Variants in ASAP1 observed in about 807,000 individuals in gnomAD.
ASAP1 encodes ArfGAP with SH3 domain, ankyrin repeat and PH domain 1.
A neutral mutation model predicts 145.2 loss-of-function variants in ASAP1; 43 were observed. The ratio of observed to expected loss-of-function variants is 0.30; its 90% CI spans 0.23 to 0.38. ASAP1 has a LOEUF of 0.38. Ranked by LOEUF, ASAP1 falls within the 10% of genes least tolerant of loss-of-function variation. The pLI, the probability that ASAP1 is intolerant of heterozygous loss-of-function variation, is 1.00. For synonymous variants in ASAP1, 546 were observed against 515.5 expected, an observed-to-expected ratio of 1.06 and a Z score of -0.80; for missense variants, 1,018 against 1,355.3, an observed-to-expected ratio of 0.75 and a Z score of 3.91.
intron 4 of ASAP1, among the ~76,000 whole-genome samples, chr8:130,224,006 A>G (rs1048892779): frequency 2.0e-5 from 3 of 152,134 alleles, no homozygotes; most frequent in Non-Finnish European, 2.9e-5. Flanking sequence ...GACTCTTTCA[A>G]TGTAAGTGTA....
chr8:130,294,765 C>A (rs1822158983), intron 3 of ASAP1, among the ~76,000 whole-genome samples: 1 of 152,146 alleles, frequency 6.6e-6, no homozygotes, highest in South Asian at 2.1e-4. Flanking sequence ...AAGGCCAATT[C>A]TAGCAGCCAT....
chr8:130,107,509 T>A (rs541336639), intron 24 of ASAP1, among the ~76,000 whole-genome samples: 16 of 132,582 alleles, frequency 1.2e-4, no homozygotes, highest in East Asian at 1.2e-3. Context: ...TTTTTTTTTT[T>A]TAAAAAATGT....
At chr8:130,425,538 A>T (rs1323132907) in intron 1 of ASAP1, among the ~76,000 whole-genome samples, 1 of 152,098 alleles carries the variant, frequency 6.6e-6, no homozygotes, top group African/African-American at 2.4e-5. Flanking sequence ...AGAACAAAAA[A>T]CAGCATGGGT....
At chr8:130,111,794 T>G (rs900215341) in intron 24 of ASAP1, among the ~76,000 whole-genome samples, 3 of 152,180 alleles carry the variant, frequency 2.0e-5, no homozygotes, top group Non-Finnish European at 2.9e-5. Context: ...GGCTGGTCAG[T>G]GTATCTCATT....
intron 24 of ASAP1, among the ~76,000 whole-genome samples, chr8:130,102,228 TGA>T (rs1013408484): frequency 6.6e-6 from 1 of 152,226 alleles, no homozygotes; most frequent in African/African-American, 2.4e-5. Context: ...GATTTAGATG[TGA>T]GTTTGTCACA....
intron 3 of ASAP1, among the ~76,000 whole-genome samples, chr8:130,288,473 G>A (rs1297498780): frequency 7.2e-5 from 11 of 152,160 alleles, no homozygotes; most frequent in Non-Finnish European, 1.5e-5. Context: ...TGTCCTACCT[G>A]CAGCTGTGCA....
intron 3 of ASAP1, among the ~76,000 whole-genome samples, chr8:130,316,708 T>G (rs1270117267): frequency 6.6e-6 from 1 of 152,198 alleles, no homozygotes; most frequent in South Asian, 2.1e-4. Flanking sequence ...GAAGGTGAGA[T>G]CAAAAGGAAG....
At chr8:130,442,510 T>C (rs1830519011) in intron 1 of ASAP1, among the ~76,000 whole-genome samples, 1 of 152,184 alleles carries the variant, frequency 6.6e-6, no homozygotes, top group Admixed American at 6.5e-5. Flanking sequence ...GCCTAAAAAC[T>C]GATAAGCTTT....
chr8:130,233,075 C>T (rs527416749), intron 4 of ASAP1, among the ~76,000 whole-genome samples: 4 of 152,110 alleles, frequency 2.6e-5, no homozygotes, highest in East Asian at 3.8e-4. Context: ...TATACTTGTT[C>T]GTGACTGCAG....
intron 25 of ASAP1, among the ~76,000 whole-genome samples, chr8:130,087,996 G>A (rs1006789219): frequency 6.6e-6 from 1 of 152,192 alleles, no homozygotes; most frequent in Non-Finnish European, 1.5e-5. Context: ...CTCTTTGGGG[G>A]TCAGAGGACA....
intron 1 of ASAP1, among the ~76,000 whole-genome samples, chr8:130,442,939 C>G (rs76989195): frequency 0.054 from 8,273 of 152,216 alleles, 522 homozygotes; most frequent in African/African-American, 0.15. Flanking sequence ...GGACTCCCCC[C>G]ACCCCCTTCC....
intron 2 of ASAP1, chr8:130,361,704 C>T (rs1263381625): frequency 3.9e-6 from 6 of 1,535,536 alleles, no homozygotes; most frequent in African/African-American, 2.7e-5. Flanking sequence ...AAATTTGAAA[C>T]CATGCCTCAG....
Position 130,418,141 on chromosome 8 carries a change from A to C in ASAP1, c.-27-16171T>G, listed in dbSNP as rs1290688187. On this transcript the variant is annotated intron_variant, in intron 1 of 29. Coordinates refer to ENST00000518721, the MANE Select transcript of ASAP1 (RefSeq NM_018482.4). ...AATTTTTATCAGAGAATAAGGTAGCAATCAACTTCAGCCTTAAATAAAACA... is the reference window on the plus strand; with the variant it reads ...AATTTTTATCAGAGAATAAGGTAGCCATCAACTTCAGCCTTAAATAAAACA... 2.0e-5 allele frequency among the ~76,000 whole-genome samples: 3 copies of C among 152,280 alleles called. No homozygotes were observed. The East Asian group carries it at 5.8e-4, about 29-fold the overall frequency.
At position 130,284,304 on chromosome 8, in the gene ASAP1, C is replaced by A. The variant is rs141491274; in HGVS notation, c.187-47310G>T. 2.6e-5 allele frequency among the ~76,000 whole-genome samples: 4 copies of A among 152,172 alleles called. No individual in the cohort carries two copies. In the East Asian group the frequency reaches 5.8e-4, roughly 22 times the overall value. On this transcript the variant is annotated intron_variant, in intron 3 of 29. Coordinates refer to ENST00000518721, the MANE Select transcript of ASAP1 (RefSeq NM_018482.4). The stretch of plus-strand genomic sequence containing the variant: ...AGTAGGAAAATGAAAACTGGACAAA[C>A]AACCATTCTAGACAGTAGTCAAAAC...
At chr8:130,353,402 A>T (rs1189025205) in intron 3 of ASAP1, among the ~76,000 whole-genome samples, 1 of 152,238 alleles carries the variant, frequency 6.6e-6, no homozygotes, top group African/African-American at 2.4e-5. Context: ...AAGAACTCTG[A>T]AATATAAACA....
intron 3 of ASAP1, among the ~76,000 whole-genome samples, chr8:130,341,705 C>T (rs530864588): frequency 2.1e-4 from 32 of 152,220 alleles, no homozygotes; most frequent in African/African-American, 6.5e-4. Flanking sequence ...ACTTGACTGC[C>T]CAGCCCAGTG....
At chr8:130,057,834 T>C in intron 29 of ASAP1, 120 bp downstream of exon 29, 2 of 1,282,752 alleles carry the variant, frequency 1.6e-6, no homozygotes, top group Middle Eastern at 2.7e-4. Context: ...GTGATGCAGC[T>C]GACAGGGTCC....
intron 3 of ASAP1, among the ~76,000 whole-genome samples, chr8:130,256,060 A>G (rs1180830910): frequency 6.6e-6 from 1 of 152,188 alleles, no homozygotes; most frequent in African/African-American, 2.4e-5. Flanking sequence ...GAGAATGTTC[A>G]CAGACCCAGG....
intron 3 of ASAP1, among the ~76,000 whole-genome samples, chr8:130,354,563 C>G (rs1826190621): frequency 6.6e-6 from 1 of 152,198 alleles, no homozygotes; most frequent in African/African-American, 2.4e-5. Flanking sequence ...TGGGTCACAG[C>G]AGTCCTAAAA....
Sources: allele counts gnomAD v4.1 joint callset (sites outside exome capture counted in the v4.1 genomes callset), GRCh38; gene constraint gnomAD v4.1.1; transcripts MANE v1.5; gene names NCBI Gene and HGNC (gene_info 2026-07-23, HGNC 2026-07-21).